The following KCNQ1 variants were observed in gnomAD, a reference collection of about 807,000 sequenced individuals.
KCNQ1 encodes potassium voltage-gated channel subfamily Q member 1, also known as potassium voltage-gated channel subfamily KQT member 1.
A neutral mutation model predicts 72.4 loss-of-function variants in KCNQ1; 49 were observed. The observed-to-expected ratio is 0.68, with a 90% CI of 0.54 to 0.86. The LOEUF (loss-of-function observed/expected upper bound fraction) is 0.86. Among genes scored for constraint, KCNQ1 ranks in the 40% least tolerant of loss-of-function variants. The pLI, the probability that KCNQ1 is intolerant of heterozygous loss-of-function variation, is 0.00. For missense variants in KCNQ1, 790 were observed against 945.1 expected (o/e 0.84, Z 2.15); for synonymous variants, 450 against 412.6 (o/e 1.09, Z -1.10).
intron 15 of KCNQ1, among the ~76,000 whole-genome samples, chr11:2,834,292 G>A (rs916863614): frequency 6.6e-6 from 1 of 152,166 alleles, no homozygotes; most frequent in African/African-American, 2.4e-5. Context: ...GTCCAGGTGG[G>A]GCAGATCATG....
Position 2,601,505 on chromosome 11 carries a change from A to G in KCNQ1, c.1393+12651A>G, listed in dbSNP as rs1236413482. ...TGATAACCAGGATGTCAACAGCAAG[A>G]GTCCAGATGCAGAGTGCTCCCGTCG... is the stretch of plus-strand genomic sequence containing the variant. On this transcript the variant is annotated intron_variant, in intron 10 of 15. Transcript: ENST00000155840. This position sits in a 1 kb window ranked among gnomAD's most constrained non-coding sequence, Gnocchi z 5.2. Among the ~76,000 whole-genome samples the G allele has an allele frequency of 6.6e-6, 1 of 152,228 alleles. No homozygotes were observed. The highest frequency in any genetic ancestry group is 1.5e-5 in the Non-Finnish European group (1 of 68,038).
intron 15 of KCNQ1, among the ~76,000 whole-genome samples, chr11:2,804,984 G>A (rs899205931): frequency 1.3e-5 from 2 of 152,252 alleles, no homozygotes; most frequent in African/African-American, 2.4e-5. Context: ...TGACAGGGAC[G>A]GCAGAGTTCC....
intron 1 of KCNQ1, among the ~76,000 whole-genome samples, chr11:2,518,402 G>C (rs538947111): frequency 2.7e-4 from 41 of 152,350 alleles, no homozygotes; most frequent in Admixed American, 6.5e-4. Context: ...GGGACCAGGG[G>C]AGTGGGCTGC....
Position 2,769,286 on chromosome 11 carries a change from G to A in KCNQ1, c.1590+367G>A, listed in dbSNP as rs368552549. Reference sequence around the variant, plus strand: ...CAGAATGACTCAGAGATGGTGCGGAGCCTGCCCTGAGTCACCAAGCTGGGA... The same window carrying A: ...CAGAATGACTCAGAGATGGTGCGGAACCTGCCCTGAGTCACCAAGCTGGGA... On this transcript the variant is annotated intron_variant, in intron 12 of 15. Transcript: ENST00000155840. This position sits in a 1 kb window ranked among gnomAD's most constrained non-coding sequence, Gnocchi z 4.6. 1.2e-4 allele frequency among the ~76,000 whole-genome samples: 18 copies of A among 152,314 alleles called. No individual in the cohort carries two copies. The East Asian group carries it at 3.5e-3, about 29-fold the overall frequency.
At position 2,663,504 on chromosome 11, in the gene KCNQ1, C is replaced by T. The variant is rs960792003; in HGVS notation, c.1514+1423C>T. On this transcript the variant is annotated intron_variant, in intron 11 of 15. Coordinates refer to ENST00000155840, the MANE Select transcript of KCNQ1 (RefSeq NM_000218.3). The surrounding 1 kb of genome is among the most constrained non-coding windows in gnomAD (Gnocchi z 5.2). ...TTGTGTGCAATACAGGTGGCAGTGCCTGTATTGCCTCTTGGCTGTCCCCTC... is the reference window on the plus strand; with the variant it reads ...TTGTGTGCAATACAGGTGGCAGTGCTTGTATTGCCTCTTGGCTGTCCCCTC... 3.3e-5 allele frequency: 13 copies of T among 398,544 alleles called. No individual in the cohort carries two copies. The highest frequency in any genetic ancestry group is 5.3e-5 in the Non-Finnish European group (12 of 226,108). 24.7% of individuals were successfully genotyped at this position (398,544 alleles called of 1,614,324 possible).
intron 11 of KCNQ1, among the ~76,000 whole-genome samples, chr11:2,758,740 C>T (rs6578296): frequency 0.84 from 127,207 of 152,206 alleles, 53,220 homozygotes; most frequent in East Asian, 0.93. Context: ...AACCCACTAT[C>T]GGTACAACCT....
chr11:2,749,310 G>T (rs753919615), intron 11 of KCNQ1, among the ~76,000 whole-genome samples: 13 of 152,050 alleles, frequency 8.5e-5, no homozygotes, highest in Non-Finnish European at 7.4e-5. Flanking sequence ...ATCGAGGGGT[G>T]TCGGGGGCCT....
chr11:2,701,281 G>A (rs899018990), intron 11 of KCNQ1, among the ~76,000 whole-genome samples: 1 of 152,214 alleles, frequency 6.6e-6, no homozygotes, highest in Non-Finnish European at 1.5e-5. Flanking sequence ...CAGGCAGCAA[G>A]TGATTCCTTT....
In KCNQ1 at chr11:2,492,388, T is replaced by A. The variant is rs1022206726; in HGVS notation, c.387-35540T>A. Reference sequence around the variant, plus strand: ...ACTTTAAGTTCTGGAATACGTGTGCTGAACGTGCAGGTTTGTTACATACGT... The same window carrying A: ...ACTTTAAGTTCTGGAATACGTGTGCAGAACGTGCAGGTTTGTTACATACGT... On this transcript the variant is annotated intron_variant, in intron 1 of 15. Coordinates refer to ENST00000155840, the MANE Select transcript of KCNQ1 (RefSeq NM_000218.3). The surrounding 1 kb of genome is among the most constrained non-coding windows in gnomAD (Gnocchi z 4.1). Among the ~76,000 whole-genome samples, 9 of 152,336 alleles carry A rather than the reference T, an allele frequency of 5.9e-5. No individual in the cohort carries two copies. The highest frequency in any genetic ancestry group is 3.9e-4 in the East Asian group (2 of 5,182).
intron 11 of KCNQ1, among the ~76,000 whole-genome samples, chr11:2,726,274 T>G (rs1447674998): frequency 6.6e-6 from 1 of 152,184 alleles, no homozygotes; most frequent in African/African-American, 2.4e-5. Flanking sequence ...GGCGGGAGTC[T>G]TCATGAAGGA....
chr11:2,519,784 C>T (rs181044794), intron 1 of KCNQ1, among the ~76,000 whole-genome samples: 1 of 26,270 alleles, frequency 3.8e-5, no homozygotes, highest in African/African-American at 1.4e-4. Context: ...CCCCCCCCCA[C>T]AACATTGGTT....
chr11:2,620,963 T>C lies in KCNQ1; in HGVS notation c.1393+32109T>C. The C allele has an allele frequency of 5.1e-6, 2 of 392,926 alleles. No homozygotes were observed. The highest frequency in any genetic ancestry group is 3.6e-5 in the East Asian group (1 of 27,580). The allele number at this position is 392,926 out of a possible 1,614,324, so 24.3% of individuals were successfully genotyped here. A position where few individuals can be genotyped will look rare whatever the true frequency, so the allele number is the denominator to read the frequency against. On this transcript the variant is annotated intron_variant, in intron 10 of 15. Coordinates refer to ENST00000155840, the MANE Select transcript of KCNQ1 (RefSeq NM_000218.3). This position sits in a 1 kb window ranked among gnomAD's most constrained non-coding sequence, Gnocchi z 4.5. ...GTTTTGTTTTGTTTTTTTTTGTCTG[T>C]TTTTTGCTTTTTTGTTTGTTTGTTT...
chr11:2,572,017 A>T lies in KCNQ1; in HGVS notation c.688A>T (p.Ile230Phe). 1 of 1,612,204 alleles carries T rather than the reference A, an allele frequency of 6.2e-7. No individual in the cohort carries two copies. Among genetic ancestry groups the T allele is most frequent in the Non-Finnish European group, 8.5e-7 (1 of 1,179,574 alleles). Residue 230 changes from isoleucine (I) to phenylalanine (F), a missense_variant, in exon 5 of 16, where the codon ATC (isoleucine) becomes TTC (phenylalanine). Around this residue, in one of 5 missense-constraint regions of KCNQ1, gnomAD observed 133 missense variants for 219.5 expected, o/e 0.61. Transcript: ENST00000155840. ...CCCACACCATCTCCTTCGCAGGGGC[A>T]TCCGCTTCCTGCAGATCCTGAGGAT... is the stretch of plus-strand genomic sequence containing the variant. ...QVFATSAIRGIRFLQILRMLH... is the reference protein window; with the variant it reads ...QVFATSAIRGFRFLQILRMLH...
intron 2 of KCNQ1, among the ~76,000 whole-genome samples, chr11:2,542,925 A>C (rs1169177401): frequency 6.6e-6 from 1 of 152,072 alleles, no homozygotes; most frequent in Non-Finnish European, 1.5e-5. Flanking sequence ...GAATGGCTGG[A>C]TAATGTGGTG....
At chr11:2,474,342 G>A (rs1042589600) in intron 1 of KCNQ1, among the ~76,000 whole-genome samples, 4 of 152,288 alleles carry the variant, frequency 2.6e-5, no homozygotes, top group Admixed American at 1.3e-4. Flanking sequence ...CAGATGCCAG[G>A]GCAGTGAGGC....
intron 10 of KCNQ1, chr11:2,632,011 T>A (rs1402846296): frequency 7.6e-6 from 3 of 396,010 alleles, no homozygotes; most frequent in Non-Finnish European, 1.3e-5. Flanking sequence ...TGAAACCCCA[T>A]CTCTACTAAA....
chr11:2,843,157 C>T (rs969558550), intron 15 of KCNQ1, among the ~76,000 whole-genome samples: 2 of 152,186 alleles, frequency 1.3e-5, no homozygotes, highest in Non-Finnish European at 1.5e-5. Context: ...ACCTCAGCAG[C>T]GAGAAACACG....
intron 2 of KCNQ1, among the ~76,000 whole-genome samples, chr11:2,530,339 G>A (rs1227043757): frequency 6.6e-6 from 1 of 152,274 alleles, no homozygotes; most frequent in Admixed American, 6.5e-5. Flanking sequence ...CTCAACTGCA[G>A]GAGTGGGCAC....
intron 15 of KCNQ1, among the ~76,000 whole-genome samples, chr11:2,819,309 A>G (rs1354767532): frequency 1.3e-5 from 2 of 152,170 alleles, no homozygotes; most frequent in Non-Finnish European, 2.9e-5. Flanking sequence ...CCAGAGTTTA[A>G]GTGAGGAGTG....
Sources: gnomAD v4.1 joint callset for allele counts (sites outside exome capture counted in the v4.1 genomes callset) on GRCh38, gnomAD v4.1.1 for gene constraint, gnomAD v4.1.1 regional missense constraint, Gnocchi (gnomAD v3.1) non-coding constraint, MANE v1.5 for transcripts, NCBI Gene and HGNC (gene_info 2026-07-23, HGNC 2026-07-21) for gene names.